Variants in CABYR observed in about 807,000 individuals in gnomAD.
The protein encoded by CABYR is calcium binding tyrosine phosphorylation regulated.
Under a neutral mutation model 36.1 loss-of-function variants are expected in CABYR, and 31 were observed. That is an observed-to-expected ratio of 0.86 (90% CI 0.64 to 1.16). The LOEUF is 1.16. Ranked by LOEUF, CABYR falls within the 50% of genes most tolerant of loss-of-function variation. The pLI, the probability that CABYR is intolerant of heterozygous loss-of-function variation, is 0.00. For synonymous variants in CABYR, 146 were observed against 160.7 expected, an observed-to-expected ratio of 0.91 and a Z score of 0.69; for missense variants, 429 against 455.8, an observed-to-expected ratio of 0.94 and a Z score of 0.53.
chr18:24,156,904 C>T, intron 4 of CABYR: 2 of 1,614,132 alleles, frequency 1.2e-6, no homozygotes, highest in Non-Finnish European at 1.7e-6. Context: ...GTAAAGTCAT[C>T]TAGTGGCCCC....
At chr18:24,146,932 A>C (rs1417724090) in intron 3 of CABYR, among the ~76,000 whole-genome samples, 1 of 152,164 alleles carries the variant, frequency 6.6e-6, no homozygotes, top group Non-Finnish European at 1.5e-5. Context: ...ATGCAAAATA[A>C]AGACATTCTC....
Position 24,155,825 on chromosome 18 carries a change from C to T in CABYR, c.324C>T (p.Asp108=). 6.2e-7 allele frequency: 1 copy of T among 1,614,102 alleles called. No homozygotes were observed. ...QMEKSTDTDE[D]NVTRTEYSDK... ...AAAAATCTACAGACACAGACGAGGACAATGTAACCAGAACAGAATATAGTG... is the reference window on the plus strand; with the variant it reads ...AAAAATCTACAGACACAGACGAGGATAATGTAACCAGAACAGAATATAGTG... Residue 108 remains aspartate (D), a synonymous_variant, in exon 4 of 6, where the codon GAC becomes GAT. Transcript: ENST00000399496.
At chr18:24,156,372 G>A (rs35239445) in intron 4 of CABYR, 6 of 1,614,218 alleles carry the variant, frequency 3.7e-6, no homozygotes, top group Non-Finnish European at 5.1e-6. Context: ...TATGTCAACT[G>A]TTCATATATC....
chr18:24,143,566 G>A (rs918071221), intron 3 of CABYR, among the ~76,000 whole-genome samples, 153 bp downstream of exon 3: 4 of 151,632 alleles, frequency 2.6e-5, no homozygotes, highest in Non-Finnish European at 5.9e-5. Context: ...TATATTTTTA[G>A]AGACATGCTC....
intron 4 of CABYR, chr18:24,156,551 GACC>G: frequency 6.2e-7 from 1 of 1,614,180 alleles, no homozygotes; most frequent in South Asian, 1.1e-5. Flanking sequence ...TAGTAGAAAA[GACC>G]ACCTCTGGCA....
chr18:24,157,638 A>G (rs536206304), intron 4 of CABYR, among the ~76,000 whole-genome samples: 28 of 149,636 alleles, frequency 1.9e-4, no homozygotes, highest in African/African-American at 7.1e-4. Context: ...GCGGCACTTG[A>G]ACAGCAATAG....
chr18:24,153,070 G>A (rs2085680536), intron 3 of CABYR, among the ~76,000 whole-genome samples: 1 of 152,226 alleles, frequency 6.6e-6, no homozygotes, highest in Admixed American at 6.5e-5. Flanking sequence ...TCAGCTTTCA[G>A]CCTTCTCTGC....
At chr18:24,140,124 G>T (rs2085270839) in intron 1 of CABYR, 1 of 151,902 alleles carries the variant, frequency 6.6e-6, no homozygotes, top group Non-Finnish European at 1.5e-5. Context: ...GGGTTTCACC[G>T]TGTTAGCCAG....
At chr18:24,159,346 A>G in intron 4 of CABYR, 126 bp from the exon 5 acceptor site, 2 of 688,524 alleles carry the variant, frequency 2.9e-6, no homozygotes, top group South Asian at 3.6e-5. Context: ...CCCTCTCTAT[A>G]GCATGCTCTA....
At chr18:24,153,206 C>T (rs564004365) in intron 3 of CABYR, among the ~76,000 whole-genome samples, 1 of 151,896 alleles carries the variant, frequency 6.6e-6, no homozygotes, top group Non-Finnish European at 1.5e-5. Flanking sequence ...TTGTTCTGGG[C>T]CTGCCTTAGG....
At chr18:24,139,467 G>T (rs1403991592) in intron 1 of CABYR, 1 of 152,230 alleles carries the variant, frequency 6.6e-6, no homozygotes, top group Non-Finnish European at 1.5e-5. Context: ...TTAGGGAGAG[G>T]TCGGGGAGTG....
intron 4 of CABYR, chr18:24,156,351 G>A (rs367779705): frequency 8.1e-6 from 13 of 1,614,196 alleles, no homozygotes; most frequent in Middle Eastern, 3.3e-4. Context: ...TTTGCAGGCT[G>A]ATATTGAGGT....
At chr18:24,140,521 C>T (rs923110947) in intron 1 of CABYR, among the ~76,000 whole-genome samples, 1 of 151,270 alleles carries the variant, frequency 6.6e-6, no homozygotes, top group Non-Finnish European at 1.5e-5. Context: ...GGGAATGGGG[C>T]ATCTATCCCC....
intron 1 of CABYR, among the ~76,000 whole-genome samples, chr18:24,140,581 T>C (rs887323453): frequency 6.6e-6 from 1 of 152,186 alleles, no homozygotes; most frequent in African/African-American, 2.4e-5. Flanking sequence ...ACTCTTTCTG[T>C]TATTTTAAAA....
rs548868836 is a variant in CABYR at position 24,159,603 on chromosome 18, C to G, written c.673C>G (p.Leu225Val). The change falls in exon 5 of 6, where the codon CTC becomes GTC. Residue 225 changes from leucine (L) to valine (V), a missense_variant. Leu to Val is a conservative substitution (Grantham distance 32). Coordinates refer to ENST00000399496, the MANE Select transcript of CABYR (RefSeq NM_153769.3). ...PAPGPFPQAT[L>V]YLPNPKDPQF... Reference sequence around the variant, plus strand: ...ACCTGGGCCTTTTCCCCAAGCAACCCTCTATTTACCTAATCCTAAGGATCC... The same window carrying G: ...ACCTGGGCCTTTTCCCCAAGCAACCGTCTATTTACCTAATCCTAAGGATCC... 5 of 1,614,086 alleles carry G rather than the reference C, an allele frequency of 3.1e-6. No homozygotes were observed. The highest frequency in any genetic ancestry group is 4.2e-6 in the Non-Finnish European group (5 of 1,180,018).
Position 24,161,589 on chromosome 18 carries a change from C to T in CABYR, c.*73C>T. ...ACCAGTGTAATGTATCAATAAACTT[C>T]ATGCAAGCATACAATTTTGTATTGC... is the stretch of plus-strand genomic sequence containing the variant. On this transcript the variant is annotated 3_prime_UTR_variant, in exon 6 of 6. Transcript: ENST00000399496. 1.3e-6 allele frequency: 1 copy of T among 771,464 alleles called. No individual in the cohort carries two copies. The allele number at this position is 771,464 out of a possible 1,614,324, so 47.8% of individuals were successfully genotyped here.
chr18:24,143,515 T>A lies in CABYR; in HGVS notation c.199+102T>A, dbSNP rs115222939. 3.2e-3 allele frequency: 1,630 copies of A among 507,928 alleles called. 25 individuals carry two copies. The highest frequency in any genetic ancestry group is 0.029 in the African/African-American group (1,435 of 50,174). 31.5% of individuals were successfully genotyped at this position (507,928 alleles called of 1,614,324 possible). On this transcript the variant is annotated intron_variant, in intron 3 of 5. Coordinates refer to ENST00000399496, the MANE Select transcript of CABYR (RefSeq NM_153769.3). ...TTAAGAATGGTGCCCACAAATTATT[T>A]TATGTTTAATCACATTGTTCCTTTT...
chr18:24,161,379 A>G, intron 5 of CABYR, 137 bp from the exon 6 acceptor site: 1 of 582,386 alleles, frequency 1.7e-6, no homozygotes, highest in Non-Finnish European at 3.1e-6. Flanking sequence ...ATTTCAGTGC[A>G]AAAGCCCATA....
intron 1 of CABYR, 88 bp from the exon 2 acceptor site, chr18:24,143,003 A>G: frequency 5.0e-6 from 5 of 992,654 alleles, no homozygotes; most frequent in Non-Finnish European, 5.7e-6. Context: ...ACTGCACTCC[A>G]GCCTGGGTGA....
Sources: gnomAD v4.1 joint callset for allele counts (sites outside exome capture counted in the v4.1 genomes callset) on GRCh38, gnomAD v4.1.1 for gene constraint, MANE v1.5 for transcripts, NCBI Gene and HGNC (gene_info 2026-07-23, HGNC 2026-07-21) for gene names.